The following KCNC2 variants were observed in gnomAD, a reference collection of about 807,000 sequenced individuals.
KCNC2 encodes the protein voltage-gated potassium channel KCNC2.
In KCNC2, 21 loss-of-function variants were observed where a neutral mutation model predicts 44.5. That is an observed-to-expected ratio of 0.47 (90% CI 0.33 to 0.68). The LOEUF (loss-of-function observed/expected upper bound fraction) is 0.68, where lower values mean the gene tolerates loss of function less well. Among genes scored for constraint, KCNC2 ranks in the 30% least tolerant of loss-of-function variants. The pLI, the probability that KCNC2 is intolerant of heterozygous loss-of-function variation, is 0.01. For missense variants in KCNC2, 589 were observed against 826.2 expected (o/e 0.71, Z 3.52); for synonymous variants, 391 against 339.1 (o/e 1.15, Z -1.68).
chr12:75,087,697 G>A (rs888387735), intron 2 of KCNC2, among the ~76,000 whole-genome samples: 4 of 152,018 alleles, frequency 2.6e-5, no homozygotes, highest in African/African-American at 9.7e-5. Flanking sequence ...CTATCTGTGA[G>A]TACACAGTAC....
At chr12:75,087,379 C>T (rs1462359773) in intron 2 of KCNC2, among the ~76,000 whole-genome samples, 1 of 152,048 alleles carries the variant, frequency 6.6e-6, no homozygotes, top group Non-Finnish European at 1.5e-5. Flanking sequence ...TTGATTTATA[C>T]ATGCTTTGGC....
At position 75,199,427 on chromosome 12, in the gene KCNC2, T is replaced by TA. The variant is rs1265024307; in HGVS notation, c.687+7869dup. On this transcript the variant is annotated intron_variant, in intron 2 of 4. Transcript: ENST00000549446. ...AAGAAGACCAGTCAAGTAATTGCAGTAATCATGGAGTATTTTTGCCCAACA... is the reference window on the plus strand; with the variant it reads ...AAGAAGACCAGTCAAGTAATTGCAGTAAATCATGGAGTATTTTTGCCCAACA... Among the ~76,000 whole-genome samples the TA allele has an allele frequency of 3.3e-5, 5 of 151,984 alleles. No individual in the cohort carries two copies. In the South Asian group the frequency reaches 6.2e-4, roughly 19 times the overall value.
rs182880381 is a variant in KCNC2 at position 75,084,479 on chromosome 12, G to A, written c.688-33162C>T. ...GGTCAGTCTTTCTGGTGCTATTCTC[G>A]TGATAGTGAATAAGTCTCATGAGAT... On this transcript the variant is annotated intron_variant, in intron 2 of 4. Transcript: ENST00000549446. Among the ~76,000 whole-genome samples the A allele has an allele frequency of 4.0e-3, 608 of 151,966 alleles. 5 individuals are homozygous for A. Among genetic ancestry groups the A allele is most frequent in the Middle Eastern group, 0.014 (4 of 294 alleles).
At chr12:75,174,874 T>A (rs1892074497) in intron 2 of KCNC2, among the ~76,000 whole-genome samples, 1 of 151,990 alleles carries the variant, frequency 6.6e-6, no homozygotes, top group South Asian at 2.1e-4. Context: ...AGCAAACATC[T>A]ATTTATCTGA....
At chr12:75,176,199 T>C (rs1021749845) in intron 2 of KCNC2, among the ~76,000 whole-genome samples, 1 of 152,064 alleles carries the variant, frequency 6.6e-6, no homozygotes, top group South Asian at 2.1e-4. Context: ...TTTCCTATGG[T>C]TCCATCCTGG....
chr12:75,202,886 T>C (rs1269966362), intron 2 of KCNC2, among the ~76,000 whole-genome samples: 2 of 151,454 alleles, frequency 1.3e-5, no homozygotes, highest in African/African-American at 2.4e-5. Flanking sequence ...ATAATGCCTT[T>C]AGGAAACGTT....
At chr12:75,152,181 T>C (rs1890449300) in intron 2 of KCNC2, among the ~76,000 whole-genome samples, 1 of 150,242 alleles carries the variant, frequency 6.7e-6, no homozygotes, top group Admixed American at 6.7e-5. Flanking sequence ...CAGGAGAAGA[T>C]CTGAATGACT....
At chr12:75,065,999 C>T (rs888231529) in intron 2 of KCNC2, among the ~76,000 whole-genome samples, 1 of 152,038 alleles carries the variant, frequency 6.6e-6, no homozygotes, top group Admixed American at 6.6e-5. Flanking sequence ...AATGTACTAT[C>T]AAAACTTCAT....
chr12:75,076,227 T>C (rs1194065626), intron 2 of KCNC2, among the ~76,000 whole-genome samples: 1 of 152,178 alleles, frequency 6.6e-6, no homozygotes, highest in African/African-American at 2.4e-5. Context: ...CCAGAATTTG[T>C]TCTTGAACAG....
intron 2 of KCNC2, among the ~76,000 whole-genome samples, chr12:75,057,778 T>C (rs932708064): frequency 3.3e-5 from 5 of 151,938 alleles, no homozygotes; most frequent in Non-Finnish European, 7.4e-5. Context: ...TAAAACAATA[T>C]AACATTCACT....
intron 2 of KCNC2, among the ~76,000 whole-genome samples, chr12:75,132,267 A>G (rs1888909606): frequency 6.6e-6 from 1 of 152,206 alleles, no homozygotes; most frequent in Non-Finnish European, 1.5e-5. Context: ...TCTATTGAAA[A>G]TCAAATGTAT....
At chr12:75,208,481 C>A (rs1419266415) in intron 1 of KCNC2, among the ~76,000 whole-genome samples, 1 of 151,632 alleles carries the variant, frequency 6.6e-6, no homozygotes, top group Admixed American at 6.6e-5. Context: ...CTCTCCAAGA[C>A]CCTCCTCTTT....
At chr12:75,145,468 A>T (rs1214333656) in intron 2 of KCNC2, among the ~76,000 whole-genome samples, 4 of 102,568 alleles carry the variant, frequency 3.9e-5, no homozygotes, top group Admixed American at 1.1e-4. Context: ...TTCTTTTATT[A>T]AAAAAAAAAA....
At chr12:75,110,406 AG>A (rs1023387375) in intron 2 of KCNC2, among the ~76,000 whole-genome samples, 1 of 152,170 alleles carries the variant, frequency 6.6e-6, no homozygotes, top group African/African-American at 2.4e-5. Flanking sequence ...AGAGGACTGT[AG>A]TCAAGAACCC....
chr12:75,190,610 A>C (rs576606651), intron 2 of KCNC2, among the ~76,000 whole-genome samples: 2 of 152,254 alleles, frequency 1.3e-5, no homozygotes, highest in Middle Eastern at 3.4e-3. Flanking sequence ...CTAAGCTAAG[A>C]TAACTTTCTT....
chr12:75,130,327 G>A (rs1432576642), intron 2 of KCNC2, among the ~76,000 whole-genome samples: 1 of 151,978 alleles, frequency 6.6e-6, no homozygotes, highest in Non-Finnish European at 1.5e-5. Flanking sequence ...CATTTATAAT[G>A]GCATAATAAT....
At chr12:75,135,461 A>G (rs1394929619) in intron 2 of KCNC2, among the ~76,000 whole-genome samples, 1 of 152,054 alleles carries the variant, frequency 6.6e-6, no homozygotes, top group Non-Finnish European at 1.5e-5. Flanking sequence ...ATTTCCAGAG[A>G]AAATATAAGA....
intron 2 of KCNC2, among the ~76,000 whole-genome samples, chr12:75,112,925 T>G (rs377328886): frequency 1.1e-3 from 161 of 152,208 alleles, no homozygotes; most frequent in African/African-American, 3.8e-3. Context: ...ATATTCAGTC[T>G]TTTCTTGACA....
chr12:75,174,818 C>T (rs560358322), intron 2 of KCNC2, among the ~76,000 whole-genome samples: 42 of 152,054 alleles, frequency 2.8e-4, no homozygotes, highest in Middle Eastern at 3.4e-3. Flanking sequence ...TATTTCATTA[C>T]ATGTTCTATT....
Sources: gnomAD v4.1 joint callset for allele counts (sites outside exome capture counted in the v4.1 genomes callset) on GRCh38, gnomAD v4.1.1 for gene constraint, MANE v1.5 for transcripts, NCBI Gene and HGNC (gene_info 2026-07-23, HGNC 2026-07-21) for gene names.